Variants in DCHS1 observed in about 807,000 individuals in gnomAD.
DCHS1 encodes the protein dachsous cadherin-related 1.
DCHS1 carries 78 observed loss-of-function variants against 213.9 expected under a neutral mutation model. The observed-to-expected ratio is 0.36, with a 90% CI of 0.30 to 0.44. The LOEUF is 0.44. DCHS1 is among the 20% of genes least tolerant of loss of function. The pLI, the probability that DCHS1 is intolerant of heterozygous loss-of-function variation, is 1.00. For synonymous variants in DCHS1, 1,828 were observed against 1,873.7 expected (o/e 0.98, Z 0.63); for missense variants, 3,946 against 4,395.9 (o/e 0.90, Z 2.89).
Position 6,626,080 on chromosome 11 carries a change from G to A in DCHS1, c.6577-6C>T. The A allele has an allele frequency of 6.2e-7, 1 of 1,607,340 alleles. No individual in the cohort carries two copies. Among genetic ancestry groups the A allele is most frequent in the South Asian group, 1.1e-5 (1 of 89,772 alleles). ...TCCAGGTCATCCGCCTCCACCTGGT[G>A]AGGGTAGGAGGCTGCTGGGACTGGT... On this transcript the variant is annotated splice_polypyrimidine_tract_variant and splice_region_variant and intron_variant, in intron 16 of 20. Transcript: ENST00000299441. The surrounding 1 kb of genome is among the most constrained non-coding windows in gnomAD (Gnocchi z 5.2).
In DCHS1 at chr11:6,623,292, G is replaced by A. The variant is rs1392643081; in HGVS notation, c.8384C>T (p.Ala2795Val). 2 of 1,588,708 alleles carry A rather than the reference G, an allele frequency of 1.3e-6. No homozygotes were observed. The highest frequency in any genetic ancestry group is 1.8e-5 in the Admixed American group (1 of 56,572). ...VGAADAGNLSASVTVSVLVTG... is the reference protein window; with the variant it reads ...VGAADAGNLSVSVTVSVLVTG... ...CACTAGCACCGACACAGTGACAGAG[G>A]CTGAGAGATTCCCAGCATCAGCAGC... The change falls in exon 21 of 21, where the codon GCC becomes GTC. Residue 2795 changes from alanine to valine, a missense_variant. Ala to Val is a moderately conservative substitution (Grantham distance 64, BLOSUM62 0). Coordinates refer to ENST00000299441, the MANE Select transcript of DCHS1 (RefSeq NM_003737.4).
intron 5 of DCHS1, 122 bp downstream of exon 5, chr11:6,633,290 C>T: frequency 8.8e-7 from 1 of 1,139,136 alleles, no homozygotes; most frequent in Non-Finnish European, 1.3e-6. Context: ...GGCATTGGTA[C>T]AGGAGTGTTT....
Position 6,623,878 on chromosome 11 carries a change from G to A in DCHS1, c.7798C>T (p.Pro2600Ser), listed in dbSNP as rs758445717. 20 of 1,610,918 alleles carry A rather than the reference G, an allele frequency of 1.2e-5. No individual in the cohort carries two copies. Among genetic ancestry groups the A allele is most frequent in the Non-Finnish European group, 1.4e-5 (17 of 1,177,678 alleles). ...VTVLDVNDNP[P>S]VFTRASYRVT... ...CGGTAGGATGCTCGGGTAAAGACAG[G>A]TGGGTTGTCATTGACATCTAGTACA... Residue 2600 changes from proline (P) to serine (S), a missense_variant, in exon 21 of 21, where the codon CCT (proline) becomes TCT (serine). Transcript: ENST00000299441.
rs1855771723 is a variant in DCHS1, at chr11:6,625,081, TC to T, written c.7146+116del. 6.9e-7 allele frequency: 1 copy of T among 1,438,984 alleles called. No individual in the cohort carries two copies. 89.1% of individuals were successfully genotyped at this position (1,438,984 alleles called of 1,614,324 possible). A position where few individuals can be genotyped will look rare whatever the true frequency, so the allele number is the denominator to read the frequency against. Reference sequence around the variant, plus strand: ...ATGTAGTTCACAGGACTTGGGACCTTCCCATTCCCAGATCAGCTCCAACGTC... The same window carrying T: ...ATGTAGTTCACAGGACTTGGGACCTTCCATTCCCAGATCAGCTCCAACGTC... On this transcript the variant is annotated intron_variant, in intron 19 of 20. Coordinates refer to ENST00000299441, the MANE Select transcript of DCHS1 (RefSeq NM_003737.4). The surrounding 1 kb of genome is among the most constrained non-coding windows in gnomAD (Gnocchi z 5.3).
intron 1 of DCHS1, among the ~76,000 whole-genome samples, chr11:6,642,640 G>A (rs541575106): frequency 3.3e-5 from 5 of 150,530 alleles, no homozygotes; most frequent in Non-Finnish European, 5.9e-5. Flanking sequence ...GGGGTGGGGT[G>A]GGGGGGGCAT....
In DCHS1 at chr11:6,630,042, C is replaced by T. The variant is rs199788411; in HGVS notation, c.4752G>A (p.Leu1584=). ...LGEAARVSYR[L]ASGGDGHFRL... is the part of the protein sequence containing the mutation. ...GGAAGTGGCCGTCCCCGCCAGATGCCAGCCGATAGGACACGCGTGCAGCCT... is the reference window on the plus strand; with the variant it reads ...GGAAGTGGCCGTCCCCGCCAGATGCTAGCCGATAGGACACGCGTGCAGCCT... The change falls in exon 10 of 21, where the codon CTG becomes CTA. Residue 1584 remains leucine, a synonymous_variant. Transcript: ENST00000299441. 1.3e-6 allele frequency: 2 copies of T among 1,559,010 alleles called. No homozygotes were observed. The highest frequency in any genetic ancestry group is 1.8e-5 in the Admixed American group (1 of 55,664).
chr11:6,648,083 G>T (rs375770392), intron 1 of DCHS1, among the ~76,000 whole-genome samples: 2 of 152,224 alleles, frequency 1.3e-5, no homozygotes, highest in Non-Finnish European at 2.9e-5. Flanking sequence ...AAGCCATTTT[G>T]GGGGGTGACT....
chr11:6,624,101 G>C lies in DCHS1; in HGVS notation c.7575C>G (p.Gly2525=). 6.2e-7 allele frequency: 1 copy of C among 1,612,032 alleles called. No homozygotes were observed. The highest frequency in any genetic ancestry group is 8.5e-7 in the Non-Finnish European group (1 of 1,179,182). The stretch of plus-strand genomic sequence containing the variant: ...CCAGCTGGAAGACTCGGCCCCAGTT[G>C]CCACTGATGATGCTGTAGTCCACAG... ...HAAVDYSIIS[G]NWGRVFQLEP... Residue 2525 remains glycine (G), a synonymous_variant, in exon 21 of 21, where the codon GGC becomes GGG. Coordinates refer to ENST00000299441, the MANE Select transcript of DCHS1 (RefSeq NM_003737.4).
Position 6,632,351 on chromosome 11 carries a change from A to T in DCHS1, c.3161T>A (p.Leu1054Gln). 1.2e-6 allele frequency: 2 copies of T among 1,613,906 alleles called. No individual in the cohort carries two copies. The highest frequency in any genetic ancestry group is 1.7e-6 in the Non-Finnish European group (2 of 1,179,838). ...PFGLEPQSGW[L>Q]WVRAALDREA... ...ACGGTCTAGTGCTGCCCGCACCCATAGCCACCCACTCTGTGGCTCCAGGCC... is the reference window on the plus strand; with the variant it reads ...ACGGTCTAGTGCTGCCCGCACCCATTGCCACCCACTCTGTGGCTCCAGGCC... Residue 1054 changes from leucine to glutamine, a missense_variant, in exon 6 of 21, where the codon CTA becomes CAA. Coordinates refer to ENST00000299441, the MANE Select transcript of DCHS1 (RefSeq NM_003737.4). This position sits in a 1 kb window ranked among gnomAD's most constrained non-coding sequence, Gnocchi z 5.9.
intron 1 of DCHS1, 69 bp downstream of exon 1, chr11:6,655,494 C>A: frequency 2.1e-6 from 2 of 939,292 alleles, no homozygotes; most frequent in Non-Finnish European, 2.5e-6. Context: ...CCGCCGCTGC[C>A]GCAGCCCAGG....
chr11:6,635,384 G>A (rs1383399378), intron 2 of DCHS1, among the ~76,000 whole-genome samples: 1 of 152,128 alleles, frequency 6.6e-6, no homozygotes, highest in Non-Finnish European at 1.5e-5. Flanking sequence ...GTACACATTA[G>A]GCCCTCAATA....
rs199822828 is a variant in DCHS1 at position 6,632,327 on chromosome 11, C to T, written c.3185G>A (p.Arg1062His). The change falls in exon 6 of 21, where the codon CGT becomes CAT. Residue 1062 changes from arginine (R) to histidine (H), a missense_variant. By Grantham distance (29) the Arg-to-His change is conservative. Around this residue, in one of 3 missense-constraint regions of DCHS1, gnomAD observed 3,384 missense variants for 3,780.1 expected, o/e 0.90. Coordinates refer to ENST00000299441, the MANE Select transcript of DCHS1 (RefSeq NM_003737.4). This position sits in a 1 kb window ranked among gnomAD's most constrained non-coding sequence, Gnocchi z 5.9. ...GWLWVRAALD[R>H]EAQELYILKV... ...CAGTATGTACAATTCCTGGGCCTCA[C>T]GGTCTAGTGCTGCCCGCACCCATAG... The T allele has an allele frequency of 2.9e-5, 46 of 1,613,830 alleles. No homozygotes were observed. The highest frequency in any genetic ancestry group is 3.3e-4 in the Middle Eastern group (2 of 6,082).
intron 1 of DCHS1, among the ~76,000 whole-genome samples, chr11:6,650,108 C>T (rs555705092): frequency 2.6e-5 from 4 of 152,318 alleles, no homozygotes; most frequent in South Asian, 2.1e-4. Flanking sequence ...GCTCCCTCTC[C>T]CCTCTTTCTT....
In DCHS1 at chr11:6,640,403, G is replaced by C; in HGVS notation, c.1211C>G (p.Ser404Cys). ...AAAGTGGCCCTCTCCACCTTCCAGG[G>C]ACACATTGACATGGGCAAAGTCACC... ...DDGDFAHVNV[S>C]LEGGEGHFAL... The change falls in exon 2 of 21, where the codon TCC (serine) becomes TGC (cysteine). Residue 404 changes from serine (S) to cysteine (C), a missense_variant. Coordinates refer to ENST00000299441, the MANE Select transcript of DCHS1 (RefSeq NM_003737.4). The surrounding 1 kb of genome is among the most constrained non-coding windows in gnomAD (Gnocchi z 6.5). The C allele has an allele frequency of 6.2e-7, 1 of 1,613,932 alleles. No individual in the cohort carries two copies. Among genetic ancestry groups the C allele is most frequent in the East Asian group, 2.2e-5 (1 of 44,876 alleles).
chr11:6,644,959 C>T lies in DCHS1; in HGVS notation c.-120-3226G>A, dbSNP rs376993602. ...CACTTCTGACCCACCTCCTCTCTCC[C>T]ATCTGTGTGAAGCAACAAAAAGAGC... On this transcript the variant is annotated intron_variant, in intron 1 of 20. Coordinates refer to ENST00000299441, the MANE Select transcript of DCHS1 (RefSeq NM_003737.4). 9.2e-5 allele frequency among the ~76,000 whole-genome samples: 14 copies of T among 152,344 alleles called. No individual in the cohort carries two copies. The East Asian group carries it at 2.5e-3, about 27-fold the overall frequency.
chr11:6,621,595 G>T lies in DCHS1; in HGVS notation c.*184C>A. 1.3e-6 allele frequency: 1 copy of T among 747,310 alleles called. No homozygotes were observed. Among genetic ancestry groups the T allele is most frequent in the Non-Finnish European group, 2.3e-6 (1 of 427,078 alleles). 46.3% of individuals were successfully genotyped at this position (747,310 alleles called of 1,614,324 possible). A position where few individuals can be genotyped will look rare whatever the true frequency, so the allele number is the denominator to read the frequency against. ...ATTGGACCTGGTCACAGGTCAGTGA[G>T]CAACAGGGCTTCTGTGGTCCTAGTA... On this transcript the variant is annotated 3_prime_UTR_variant, in exon 21 of 21. Transcript: ENST00000299441.
intron 1 of DCHS1, among the ~76,000 whole-genome samples, chr11:6,642,282 T>C (rs1448038834): frequency 1.3e-5 from 2 of 152,096 alleles, no homozygotes; most frequent in African/African-American, 2.4e-5. Context: ...ACCTACAATA[T>C]AGAGGCACTG....
intron 1 of DCHS1, among the ~76,000 whole-genome samples, chr11:6,653,342 TACAC>T (rs1856271410): frequency 6.6e-6 from 1 of 152,202 alleles, no homozygotes; most frequent in Non-Finnish European, 1.5e-5. Flanking sequence ...CTGACCTCCC[TACAC>T]TGGCCTAGGT....
Position 6,630,751 on chromosome 11 carries a change from C to T in DCHS1, c.4043G>A (p.Gly1348Asp). Reference sequence around the variant, plus strand: ...CGCTGCCACCGAGCCCAACAGAGAGCCGGGCCGCAGTCCCTCAGCTGCTGT... The same window carrying T: ...CGCTGCCACCGAGCCCAACAGAGAGTCGGGCCGCAGTCCCTCAGCTGCTGT... Reference protein sequence around the residue: ...TVTAAEGLRPGSLLGSVAAPE... With the variant: ...TVTAAEGLRPDSLLGSVAAPE... The change falls in exon 10 of 21, where the codon GGC (glycine) becomes GAC (aspartate). Residue 1348 changes from glycine (G) to aspartate (D), a missense_variant. Around this residue, in one of 3 missense-constraint regions of DCHS1, gnomAD observed 3,384 missense variants for 3,780.1 expected, o/e 0.90. Transcript: ENST00000299441. The T allele has an allele frequency of 6.5e-7, 1 of 1,545,494 alleles. No homozygotes were observed.
Sources: gnomAD v4.1 joint callset for allele counts (sites outside exome capture counted in the v4.1 genomes callset) on GRCh38, gnomAD v4.1.1 for gene constraint, gnomAD v4.1.1 regional missense constraint, Gnocchi (gnomAD v3.1) non-coding constraint, MANE v1.5 for transcripts, NCBI Gene and HGNC (gene_info 2026-07-23, HGNC 2026-07-21) for gene names.